The following ZHX2 variants were observed in gnomAD, a reference collection of about 807,000 sequenced individuals.
ZHX2 encodes the protein zinc fingers and homeoboxes 2, also known as zinc fingers and homeoboxes protein 2.
In ZHX2, 6 loss-of-function variants were observed where a neutral mutation model predicts 21.9. The ratio of observed to expected loss-of-function variants is 0.27; its 90% CI spans 0.15 to 0.54. ZHX2 has a LOEUF of 0.54. ZHX2 is among the 20% of genes least tolerant of loss of function. The probability of loss-of-function intolerance (pLI) is 0.95; values close to 1 mark genes in which losing one functional copy is unlikely to be tolerated. For missense variants in ZHX2, 908 were observed against 1,090.7 expected, an observed-to-expected ratio of 0.83 and a Z score of 2.36; for synonymous variants, 434 against 437.1, an observed-to-expected ratio of 0.99 and a Z score of 0.09.
At chr8:122,885,816 G>A (rs1819827885) in intron 2 of ZHX2, among the ~76,000 whole-genome samples, 1 of 152,152 alleles carries the variant, frequency 6.6e-6, no homozygotes, top group African/African-American at 2.4e-5. Context: ...AACATTGGAG[G>A]AATAGGTAAT....
intron 2 of ZHX2, among the ~76,000 whole-genome samples, chr8:122,936,341 C>G (rs556147253): frequency 1.4e-4 from 22 of 152,292 alleles, no homozygotes; most frequent in Non-Finnish European, 2.4e-4. Flanking sequence ...AAAATAAAGC[C>G]TTGAAGTTTG....
At chr8:122,831,213 G>A (rs1420736101) in intron 1 of ZHX2, among the ~76,000 whole-genome samples, 1 of 152,204 alleles carries the variant, frequency 6.6e-6, no homozygotes. Context: ...TTATCGGGCG[G>A]CATGTGAGCG....
chr8:122,846,356 C>CTGGGCATTGACTAAA (rs1818750874), intron 1 of ZHX2, among the ~76,000 whole-genome samples: 1 of 152,160 alleles, frequency 6.6e-6, no homozygotes, highest in Admixed American at 6.5e-5. Flanking sequence ...TCTCTTGCTC[C>CTGGGCATTGACTAAA]TGGGCATTGA....
At chr8:122,913,181 A>C (rs2130023864) in intron 2 of ZHX2, among the ~76,000 whole-genome samples, 1 of 152,344 alleles carries the variant, frequency 6.6e-6, no homozygotes, top group African/African-American at 2.4e-5. Flanking sequence ...AGGTTTATAC[A>C]TGTTGTAAGC....
At chr8:122,861,332 A>G (rs1292112995) in intron 1 of ZHX2, among the ~76,000 whole-genome samples, 1 of 152,166 alleles carries the variant, frequency 6.6e-6, no homozygotes, top group African/African-American at 2.4e-5. Flanking sequence ...CATTTTATGG[A>G]CATCATTCCA....
intron 2 of ZHX2, among the ~76,000 whole-genome samples, chr8:122,874,929 C>G (rs982874591): frequency 4.6e-5 from 7 of 151,658 alleles, no homozygotes; most frequent in African/African-American, 1.7e-4. Flanking sequence ...AGCTCTATCC[C>G]TTACTAGCAA....
intron 1 of ZHX2, among the ~76,000 whole-genome samples, chr8:122,834,824 G>C (rs1220873086): frequency 6.6e-6 from 1 of 152,172 alleles, no homozygotes; most frequent in Non-Finnish European, 1.5e-5. Context: ...GGTGATTTCT[G>C]AAAGTTTTTC....
chr8:122,926,914 G>A (rs528246397), intron 2 of ZHX2, among the ~76,000 whole-genome samples: 7 of 152,138 alleles, frequency 4.6e-5, no homozygotes, highest in African/African-American at 1.7e-4. Flanking sequence ...GGCGTTTAGG[G>A]CCCACCCAGA....
At chr8:122,869,177 C>G (rs1819371525) in intron 2 of ZHX2, among the ~76,000 whole-genome samples, 1 of 152,174 alleles carries the variant, frequency 6.6e-6, no homozygotes, top group African/African-American at 2.4e-5. Context: ...ACCTGAGGAG[C>G]TACCTGCCTC....
intron 3 of ZHX2, among the ~76,000 whole-genome samples, chr8:122,972,253 T>A (rs1439115435): frequency 6.6e-6 from 1 of 152,210 alleles, no homozygotes; most frequent in African/African-American, 2.4e-5. Flanking sequence ...GCATTTCTAA[T>A]AGGGTAACAT....
At chr8:122,865,525 T>C (rs1819270862) in intron 2 of ZHX2, among the ~76,000 whole-genome samples, 1 of 152,078 alleles carries the variant, frequency 6.6e-6, no homozygotes, top group Non-Finnish European at 1.5e-5. Context: ...CAGTAAATGA[T>C]TGTCAAATAT....
chr8:122,874,652 C>G (rs1819521282), intron 2 of ZHX2, among the ~76,000 whole-genome samples: 1 of 152,050 alleles, frequency 6.6e-6, no homozygotes, highest in Admixed American at 6.6e-5. Context: ...CCATAACCAT[C>G]AAGAGGTACA....
chr8:122,881,586 A>G (rs940505990), intron 2 of ZHX2, among the ~76,000 whole-genome samples: 3 of 152,226 alleles, frequency 2.0e-5, no homozygotes, highest in Admixed American at 6.5e-5. Context: ...GTGCATTTTA[A>G]TCATAGGTAG....
intron 1 of ZHX2, among the ~76,000 whole-genome samples, chr8:122,860,937 G>T (rs745312864): frequency 2.0e-5 from 3 of 150,068 alleles, no homozygotes; most frequent in Non-Finnish European, 2.9e-5. Flanking sequence ...GGAGGCTGAA[G>T]CAGGAAAATT....
intron 1 of ZHX2, among the ~76,000 whole-genome samples, chr8:122,833,351 G>T (rs2130682052): frequency 6.6e-6 from 1 of 152,226 alleles, no homozygotes; most frequent in East Asian, 1.9e-4. Context: ...CGACTGGTGA[G>T]GAGGTGAGAA....
intron 1 of ZHX2, among the ~76,000 whole-genome samples, chr8:122,817,159 C>T (rs1382373927): frequency 2.6e-5 from 4 of 152,222 alleles, no homozygotes; most frequent in Non-Finnish European, 4.4e-5. Context: ...AATGTAACTG[C>T]ATGCCTGGGC....
intron 2 of ZHX2, among the ~76,000 whole-genome samples, chr8:122,879,190 G>T (rs1438881937): frequency 1.3e-5 from 2 of 152,104 alleles, no homozygotes; most frequent in Non-Finnish European, 2.9e-5. Context: ...AAGGCCTAAG[G>T]GTTTTTTTTG....
chr8:122,946,181 C>T (rs999071401), intron 2 of ZHX2, among the ~76,000 whole-genome samples: 3 of 152,032 alleles, frequency 2.0e-5, no homozygotes, highest in Admixed American at 6.6e-5. Flanking sequence ...ATATCAGACC[C>T]GAAGACTTTG....
intron 1 of ZHX2, among the ~76,000 whole-genome samples, chr8:122,792,076 T>C (rs1363350232): frequency 6.6e-6 from 1 of 152,160 alleles, no homozygotes; most frequent in Admixed American, 6.5e-5. Flanking sequence ...CTTTAGAACA[T>C]TTTTATCACC....
Sources: gnomAD v4.1 joint callset for allele counts (sites outside exome capture counted in the v4.1 genomes callset) on GRCh38, gnomAD v4.1.1 for gene constraint, MANE v1.5 for transcripts, NCBI Gene and HGNC (gene_info 2026-07-23, HGNC 2026-07-21) for gene names.